FAM168A: variants seen among roughly 807,000 people sequenced by gnomAD.
FAM168A encodes the protein protein FAM168A.
FAM168A carries 3 observed loss-of-function variants against 28.5 expected under a neutral mutation model. That is an observed-to-expected ratio of 0.11 (90% CI 0.05 to 0.27). The LOEUF (loss-of-function observed/expected upper bound fraction) is 0.27. FAM168A is among the 10% of genes least tolerant of loss of function. The pLI, the probability that FAM168A is intolerant of heterozygous loss-of-function variation, is 1.00. For synonymous variants in FAM168A, 122 were observed against 124.2 expected (o/e 0.98, Z 0.12); for missense variants, 222 against 311.5 (o/e 0.71, Z 2.16).
chr11:73,523,254 T>C (rs886070841), intron 1 of FAM168A, among the ~76,000 whole-genome samples: 2 of 152,202 alleles, frequency 1.3e-5, no homozygotes, highest in Admixed American at 6.5e-5. Context: ...CTTATTTCCA[T>C]GTATGGTAAT....
At chr11:73,479,849 A>G (rs1380478969) in intron 1 of FAM168A, among the ~76,000 whole-genome samples, 1 of 152,220 alleles carries the variant, frequency 6.6e-6, no homozygotes, top group African/African-American at 2.4e-5. Flanking sequence ...GAATGGATGG[A>G]TGGATGAATA....
chr11:73,549,669 G>C (rs1943803008), intron 1 of FAM168A, among the ~76,000 whole-genome samples: 3 of 152,310 alleles, frequency 2.0e-5, no homozygotes, highest in Middle Eastern at 3.4e-3. Context: ...TCTTAGCAAT[G>C]ACACGGGGTA....
chr11:73,520,457 T>C (rs957995280), intron 1 of FAM168A, among the ~76,000 whole-genome samples: 4 of 152,166 alleles, frequency 2.6e-5, no homozygotes, highest in African/African-American at 9.7e-5. Flanking sequence ...TGTAGTCACA[T>C]AGAAAGCACA....
At chr11:73,497,742 G>C (rs1269127119) in intron 1 of FAM168A, among the ~76,000 whole-genome samples, 1 of 152,034 alleles carries the variant, frequency 6.6e-6, no homozygotes, top group Admixed American at 6.6e-5. Flanking sequence ...TCACACACTG[G>C]GGCCTGTCGT....
intron 1 of FAM168A, among the ~76,000 whole-genome samples, chr11:73,556,115 C>G (rs966633326): frequency 6.6e-6 from 1 of 151,672 alleles, no homozygotes; most frequent in Non-Finnish European, 1.5e-5. Context: ...GAAGCAGACG[C>G]AGGAGGATCA....
intron 1 of FAM168A, among the ~76,000 whole-genome samples, chr11:73,575,144 T>C (rs1365615808): frequency 2.0e-5 from 3 of 152,308 alleles, no homozygotes; most frequent in East Asian, 3.9e-4. Context: ...TGCCAAGATT[T>C]TGAAACCCAA....
chr11:73,420,035 A>G (rs778420084), intron 3 of FAM168A, 36 bp from the exon 4 acceptor site: 7 of 1,609,472 alleles, frequency 4.3e-6, no homozygotes, highest in Non-Finnish European at 5.9e-6. Flanking sequence ...TTAGACAGAA[A>G]TAAGAAGTGG....
chr11:73,456,256 G>A (rs184630173), intron 2 of FAM168A, among the ~76,000 whole-genome samples: 5 of 152,286 alleles, frequency 3.3e-5, no homozygotes, highest in Admixed American at 2.6e-4. Context: ...AATCTCTCCA[G>A]ACATAAGCAG....
At chr11:73,526,787 C>T (rs1397520026) in intron 1 of FAM168A, among the ~76,000 whole-genome samples, 5 of 129,968 alleles carry the variant, frequency 3.8e-5, no homozygotes, top group Non-Finnish European at 7.8e-5. Flanking sequence ...TGACTTTAAA[C>T]AAATCCTCTA....
chr11:73,533,236 T>C (rs191773560), intron 1 of FAM168A, among the ~76,000 whole-genome samples: 2 of 152,248 alleles, frequency 1.3e-5, no homozygotes, highest in East Asian at 1.9e-4. Flanking sequence ...AAAAATGAGA[T>C]AATATAGATG....
At chr11:73,567,042 G>A (rs1240069336) in intron 1 of FAM168A, among the ~76,000 whole-genome samples, 1 of 152,194 alleles carries the variant, frequency 6.6e-6, no homozygotes, top group African/African-American at 2.4e-5. Flanking sequence ...CAAGTGGTTT[G>A]GCAGGGTTGG....
intron 2 of FAM168A, among the ~76,000 whole-genome samples, chr11:73,448,872 G>C (rs2134543791): frequency 6.6e-6 from 1 of 152,212 alleles, no homozygotes; most frequent in East Asian, 1.9e-4. Context: ...CTGACCTTCA[G>C]ACTTCTTTTT....
chr11:73,470,209 C>T (rs1423150008), intron 1 of FAM168A, among the ~76,000 whole-genome samples: 2 of 152,046 alleles, frequency 1.3e-5, no homozygotes, highest in African/African-American at 2.4e-5. Flanking sequence ...CGCGCCTGGC[C>T]GATCATAGAT....
chr11:73,569,852 A>G (rs1347427190), intron 1 of FAM168A, among the ~76,000 whole-genome samples: 1 of 149,770 alleles, frequency 6.7e-6, no homozygotes, highest in East Asian at 1.9e-4. Context: ...AAATAAATAA[A>G]TAAATAAACA....
chr11:73,558,846 G>A (rs1943920453), intron 1 of FAM168A, among the ~76,000 whole-genome samples: 1 of 152,170 alleles, frequency 6.6e-6, no homozygotes, highest in Admixed American at 6.5e-5. Context: ...AACATTGTTG[G>A]TGGGAATGTT....
At chr11:73,501,822 C>T (rs1198904575) in intron 1 of FAM168A, among the ~76,000 whole-genome samples, 1 of 152,168 alleles carries the variant, frequency 6.6e-6, no homozygotes, top group Non-Finnish European at 1.5e-5. Context: ...TAGCAGAAGG[C>T]CGGGCGCGGT....
chr11:73,555,517 G>A (rs200452692), intron 1 of FAM168A, among the ~76,000 whole-genome samples: 7 of 151,660 alleles, frequency 4.6e-5, no homozygotes, highest in African/African-American at 9.7e-5. Context: ...CCAGCCTGGC[G>A]AACATGGCGA....
intron 2 of FAM168A, among the ~76,000 whole-genome samples, chr11:73,466,561 A>T (rs575668257): frequency 3.3e-5 from 5 of 152,168 alleles, no homozygotes; most frequent in Admixed American, 6.5e-5. Context: ...ACATAACCAT[A>T]TAAATGCTTA....
chr11:73,575,562 C>A (rs1184272078), intron 1 of FAM168A, among the ~76,000 whole-genome samples: 2 of 152,136 alleles, frequency 1.3e-5, no homozygotes, highest in Admixed American at 6.6e-5. Context: ...ACCTACCTAT[C>A]AGAGTTCTCA....
Sources: gnomAD v4.1 joint callset for allele counts (sites outside exome capture counted in the v4.1 genomes callset) on GRCh38, gnomAD v4.1.1 for gene constraint, MANE v1.5 for transcripts, NCBI Gene and HGNC (gene_info 2026-07-23, HGNC 2026-07-21) for gene names.